CBR3: variants seen among roughly 807,000 people sequenced by gnomAD.
CBR3 encodes the protein carbonyl reductase 3, also known as carbonyl reductase [NADPH] 3.
Under a neutral mutation model 11.6 loss-of-function variants are expected in CBR3, and 14 were observed. That is an observed-to-expected ratio of 1.20 (90% CI 0.79 to 1.88). The LOEUF is 1.88. Among genes scored for constraint, CBR3 ranks in the 40% most tolerant of loss-of-function variants. CBR3 has a pLI of 0.00. For missense variants in CBR3, 308 were observed against 357.3 expected (o/e 0.86, Z 1.11); for synonymous variants, 125 against 145.6 (o/e 0.86, Z 1.02).
chr21:36,143,665 A>G (rs955977218), intron 2 of CBR3, among the ~76,000 whole-genome samples: 6 of 152,042 alleles, frequency 3.9e-5, no homozygotes, highest in African/African-American at 1.4e-4. Flanking sequence ...AGATCTCCTG[A>G]GCTCAGGAGT....
intron 1 of CBR3, chr21:36,137,502 G>A (rs1353137822): frequency 6.3e-6 from 1 of 158,736 alleles, no homozygotes; most frequent in African/African-American, 3.3e-5. Context: ...AGAAAAGAAA[G>A]AAAGGAAGGA....
chr21:36,139,881 C>CTTTTTTTT lies in CBR3; in HGVS notation c.397+1964_397+1971dup, dbSNP rs10689993. On this transcript the variant is annotated intron_variant, in intron 2 of 2. Transcript: ENST00000290354. ...ACAAAATTATCTCTGGATGCAAAAC[C>CTTTTTTTT]TTTTTTTTTTTTTTTTTTTTTTCTG... Among the ~76,000 whole-genome samples, 25 of 89,826 alleles carry CTTTTTTTT rather than the reference C, an allele frequency of 2.8e-4. 1 individual carries two copies. The highest frequency in any genetic ancestry group is 4.0e-4 in the African/African-American group (9 of 22,714). 58.9% of individuals were successfully genotyped at this position (89,826 alleles called of 152,430 possible).
intron 1 of CBR3, chr21:36,135,685 G>A: frequency 1.9e-6 from 1 of 539,458 alleles, no homozygotes; most frequent in Non-Finnish European, 3.1e-6. Context: ...GACAAACAGC[G>A]CGCCCCGCCC....
At chr21:36,146,012 A>G in intron 2 of CBR3, 64 bp from the exon 3 acceptor site, 6 of 997,046 alleles carry the variant, frequency 6.0e-6, no homozygotes, top group South Asian at 1.5e-5. Flanking sequence ...TATGTTTGGT[A>G]TATTATTCAA....
chr21:36,139,036 T>C (rs548488680), intron 2 of CBR3, among the ~76,000 whole-genome samples: 9 of 152,058 alleles, frequency 5.9e-5, no homozygotes, highest in African/African-American at 2.2e-4. Context: ...TGAGCCACCA[T>C]GCCCGAACGA....
chr21:36,136,373 A>G (rs2065660171), intron 1 of CBR3, among the ~76,000 whole-genome samples: 1 of 151,820 alleles, frequency 6.6e-6, no homozygotes, highest in South Asian at 2.1e-4. Flanking sequence ...CTAGTGGGGA[A>G]AAAAAGCCTA....
chr21:36,145,890 G>A (rs948885153), intron 2 of CBR3, among the ~76,000 whole-genome samples, 186 bp from the exon 3 acceptor site: 4 of 151,614 alleles, frequency 2.6e-5, no homozygotes, highest in African/African-American at 9.7e-5. Context: ...GAACCTGGGA[G>A]GTGGAGTTTG....
chr21:36,146,416 G>A lies in CBR3; in HGVS notation c.738G>A (p.Glu246=), dbSNP rs752924154. ...AAGACAGCATCAGGACTGTGGAGGA[G>A]GGGGCTGAGACCCCTGTCTACTTGG... ...DGKDSIRTVE[E]GAETPVYLAL... Residue 246 remains glutamate (E), a synonymous_variant, in exon 3 of 3, where the codon GAG becomes GAA. Coordinates refer to ENST00000290354, the MANE Select transcript of CBR3 (RefSeq NM_001236.4). 1.2e-6 allele frequency: 2 copies of A among 1,614,052 alleles called. No homozygotes were observed. The highest frequency in any genetic ancestry group is 1.7e-6 in the Non-Finnish European group (2 of 1,180,020).
intron 1 of CBR3, among the ~76,000 whole-genome samples, chr21:36,136,939 A>G (rs768810852): frequency 2.7e-5 from 4 of 150,614 alleles, no homozygotes; most frequent in Non-Finnish European, 5.9e-5. Flanking sequence ...CAGGCACAAG[A>G]ACCGCTTGAA....
intron 2 of CBR3, chr21:36,138,576 T>C (rs894939362): frequency 6.6e-6 from 1 of 152,288 alleles, no homozygotes; most frequent in Non-Finnish European, 1.5e-5. Context: ...GTCAATCTCA[T>C]GAGTCCTCCA....
intron 2 of CBR3, among the ~76,000 whole-genome samples, chr21:36,140,060 T>C (rs2065697083): frequency 6.6e-6 from 1 of 151,982 alleles, no homozygotes; most frequent in South Asian, 2.1e-4. Context: ...CTAATTTTTT[T>C]GTATTTCTAG....
intron 1 of CBR3, among the ~76,000 whole-genome samples, chr21:36,136,443 G>A (rs1342023323): frequency 6.6e-6 from 1 of 152,176 alleles, no homozygotes; most frequent in Non-Finnish European, 1.5e-5. Context: ...TTGGCCCTAG[G>A]CACTCCGCAT....
At chr21:36,140,062 T>C (rs1340553440) in intron 2 of CBR3, among the ~76,000 whole-genome samples, 1 of 151,972 alleles carries the variant, frequency 6.6e-6, no homozygotes, top group African/African-American at 2.4e-5. Flanking sequence ...AATTTTTTTG[T>C]ATTTCTAGTA....
At chr21:36,135,590 G>C in intron 1 of CBR3, 109 bp downstream of exon 1, 1 of 1,043,490 alleles carries the variant, frequency 9.6e-7, no homozygotes, top group African/African-American at 1.6e-5. Context: ...GGGTGGCGCC[G>C]ACCCCTAGGG....
chr21:36,135,459 C>T lies in CBR3; in HGVS notation c.267C>T (p.Asn89=), dbSNP rs1233228019. The change falls in exon 1 of 3, where the codon AAC becomes AAT. Residue 89 remains asparagine, a synonymous_variant. Coordinates refer to ENST00000290354, the MANE Select transcript of CBR3 (RefSeq NM_001236.4). ...KEYGGLNVLV[N]NAAVAFKSDD... is the part of the protein sequence containing the mutation. ...ACGGGGGGCTCAACGTACTGGTCAA[C>T]AACGCGGCCGTCGCCTTCAAGAGTA... is the stretch of plus-strand genomic sequence containing the variant. 1.9e-6 allele frequency: 3 copies of T among 1,612,298 alleles called. No individual in the cohort carries two copies. The highest frequency in any genetic ancestry group is 2.5e-6 in the Non-Finnish European group (3 of 1,178,908).
At chr21:36,142,448 AC>A (rs2123348566) in intron 2 of CBR3, among the ~76,000 whole-genome samples, 1 of 149,142 alleles carries the variant, frequency 6.7e-6, no homozygotes, top group South Asian at 2.1e-4. Context: ...AAAAAAAAAA[AC>A]GCAATCCATG....
Position 36,137,916 on chromosome 21 carries a change from G to A in CBR3, c.381G>A (p.Pro127=), listed in dbSNP as rs753674900. ...GAAACATGTGCAACGAGTTACTGCC[G>A]ATAATGAAACCTCATGGTAAGCCCA... ...ATRNMCNELL[P]IMKPHGRVVN... is the part of the protein sequence containing the mutation. Residue 127 remains proline (P), a synonymous_variant, in exon 2 of 3, where the codon CCG becomes CCA. Coordinates refer to ENST00000290354, the MANE Select transcript of CBR3 (RefSeq NM_001236.4). 11 of 1,601,672 alleles carry A rather than the reference G, an allele frequency of 6.9e-6. No individual in the cohort carries two copies. The highest frequency in any genetic ancestry group is 4.0e-5 in the African/African-American group (3 of 74,582).
At chr21:36,143,258 G>A (rs544577263) in intron 2 of CBR3, among the ~76,000 whole-genome samples, 3 of 151,744 alleles carry the variant, frequency 2.0e-5, no homozygotes, top group South Asian at 4.2e-4. Flanking sequence ...AGCTGAGATC[G>A]CGCCACTGCA....
intron 2 of CBR3, among the ~76,000 whole-genome samples, chr21:36,145,284 A>C (rs545626214): frequency 6.6e-6 from 1 of 152,154 alleles, no homozygotes. Flanking sequence ...CCATGGGTGC[A>C]TAGATTTTAT....
Sources: gnomAD v4.1 joint callset for allele counts (sites outside exome capture counted in the v4.1 genomes callset) on GRCh38, gnomAD v4.1.1 for gene constraint, MANE v1.5 for transcripts, NCBI Gene and HGNC (gene_info 2026-07-23, HGNC 2026-07-21) for gene names.